Variants in MYO10 observed in about 807,000 individuals in gnomAD.
MYO10 encodes unconventional myosin-X.
In MYO10, 133 loss-of-function variants were observed where a neutral mutation model predicts 257.3. That is an observed-to-expected ratio of 0.52 (90% CI 0.45 to 0.60). The LOEUF is 0.60. Ranked by LOEUF, MYO10 falls within the 20% of genes least tolerant of loss-of-function variation. The probability of loss-of-function intolerance (pLI) is 0.00; values close to 1 mark genes in which losing one functional copy is unlikely to be tolerated. For missense variants in MYO10, 2,399 were observed against 2,635.7 expected, an observed-to-expected ratio of 0.91 and a Z score of 1.97; for synonymous variants, 1,104 against 1,028.6, an observed-to-expected ratio of 1.07 and a Z score of -1.40.
At chr5:16,894,735 T>A (rs1183810979) in intron 1 of MYO10, among the ~76,000 whole-genome samples, 1 of 152,128 alleles carries the variant, frequency 6.6e-6, no homozygotes, top group East Asian at 1.9e-4. Context: ...CATTGAAACT[T>A]GACACCAGGA....
intron 28 of MYO10, among the ~76,000 whole-genome samples, chr5:16,688,907 T>C (rs1459882480): frequency 1.3e-5 from 2 of 152,164 alleles, no homozygotes; most frequent in Non-Finnish European, 2.9e-5. Flanking sequence ...GAAGAGCAAA[T>C]GCTAAGTCTC....
chr5:16,918,130 C>G (rs2126797999), intron 1 of MYO10, among the ~76,000 whole-genome samples: 1 of 152,256 alleles, frequency 6.6e-6, no homozygotes, highest in South Asian at 2.1e-4. Context: ...CTAGGAGAGT[C>G]AATTTCCAAA....
intron 1 of MYO10, among the ~76,000 whole-genome samples, chr5:16,915,107 T>C (rs1368865184): frequency 6.6e-6 from 1 of 152,172 alleles, no homozygotes; most frequent in Non-Finnish European, 1.5e-5. Flanking sequence ...TGAGAATAGA[T>C]GATCGCTAAT....
chr5:16,775,882 G>A (rs1741196525), intron 9 of MYO10, among the ~76,000 whole-genome samples: 1 of 150,340 alleles, frequency 6.7e-6, no homozygotes, highest in Non-Finnish European at 1.5e-5. Flanking sequence ...TTATAGGCAT[G>A]ACCCAATTCT....
chr5:16,851,828 A>G (rs1391423941), intron 2 of MYO10, among the ~76,000 whole-genome samples: 2 of 152,058 alleles, frequency 1.3e-5, no homozygotes, highest in Admixed American at 6.5e-5. Flanking sequence ...CAAGGCGGGC[A>G]GATCACGAGG....
At chr5:16,879,999 A>C (rs1744713027) in intron 1 of MYO10, among the ~76,000 whole-genome samples, 1 of 152,086 alleles carries the variant, frequency 6.6e-6, no homozygotes, top group African/African-American at 2.4e-5. Flanking sequence ...CCAACGTGGT[A>C]AAACCGCGTG....
chr5:16,863,443 G>A (rs1423642453), intron 2 of MYO10, among the ~76,000 whole-genome samples: 1 of 152,192 alleles, frequency 6.6e-6, no homozygotes, highest in Non-Finnish European at 1.5e-5. Flanking sequence ...TTTTTCAGTG[G>A]TGCTGGGAAC....
chr5:16,877,759 G>GA, intron 1 of MYO10, 52 bp from the exon 2 acceptor site: 2 of 1,421,228 alleles, frequency 1.4e-6, no homozygotes, highest in South Asian at 2.4e-5. Context: ...ATTTTGTGGC[G>GA]AAACTGTACT....
intron 9 of MYO10, among the ~76,000 whole-genome samples, chr5:16,774,407 A>T (rs1741151810): frequency 6.6e-6 from 1 of 152,134 alleles, no homozygotes; most frequent in Admixed American, 6.6e-5. Context: ...ACATCATGTT[A>T]CTTATTTATT....
intron 27 of MYO10, among the ~76,000 whole-genome samples, chr5:16,691,473 C>T (rs552327180): frequency 4.0e-5 from 6 of 151,812 alleles, no homozygotes; most frequent in Middle Eastern, 3.2e-3. Flanking sequence ...ATGAGGCAGG[C>T]GGATCACTTC....
intron 19 of MYO10, among the ~76,000 whole-genome samples, chr5:16,718,716 G>A (rs1180619011): frequency 6.6e-6 from 1 of 151,920 alleles, no homozygotes; most frequent in Non-Finnish European, 1.5e-5. Flanking sequence ...AGGACGTGGA[G>A]AACCTTTATG....
intron 19 of MYO10, 31 bp from the exon 20 acceptor site, chr5:16,711,276 C>T (rs1206467854): frequency 1.9e-6 from 3 of 1,587,340 alleles, no homozygotes; most frequent in Non-Finnish European, 2.6e-6. Flanking sequence ...AGATGGGATA[C>T]CATTAGAAAA....
intron 1 of MYO10, among the ~76,000 whole-genome samples, chr5:16,886,091 A>G (rs1035139502): frequency 2.6e-5 from 4 of 152,204 alleles, no homozygotes; most frequent in Non-Finnish European, 5.9e-5. Flanking sequence ...ACTGCATCCA[A>G]TTCTACAGAG....
At chr5:16,860,308 G>A (rs1360790324) in intron 2 of MYO10, among the ~76,000 whole-genome samples, 9 of 152,154 alleles carry the variant, frequency 5.9e-5, no homozygotes, top group Admixed American at 5.9e-4. Flanking sequence ...TAGCAAATAA[G>A]TGGAAAGTTT....
chr5:16,845,866 A>T (rs1743621612), intron 2 of MYO10, among the ~76,000 whole-genome samples: 1 of 152,058 alleles, frequency 6.6e-6, no homozygotes, highest in African/African-American at 2.4e-5. Context: ...CGGGAGGCTG[A>T]GGCAGGAGAA....
chr5:16,916,136 A>T, intron 1 of MYO10: 1 of 456,160 alleles, frequency 2.2e-6, no homozygotes. Flanking sequence ...CGACCCATCA[A>T]GCCCAGATTT....
rs544736866 is a variant in MYO10 at position 16,758,810 on chromosome 5, A to G, written c.1740-584T>C. On this transcript the variant is annotated intron_variant, in intron 17 of 40. Coordinates refer to ENST00000513610, the MANE Select transcript of MYO10 (RefSeq NM_012334.3). ...GAGAATGAAAGGAGAACATGCATGT[A>G]AAAGGCAGAAAGCATGCTACCTGGC... 6.0e-4 allele frequency among the ~76,000 whole-genome samples: 92 copies of G among 152,352 alleles called. 1 individual carries two copies. The highest frequency in any genetic ancestry group is 2.2e-3 in the African/African-American group (91 of 41,576).
chr5:16,889,756 G>A (rs1369526476), intron 1 of MYO10, among the ~76,000 whole-genome samples: 2 of 151,724 alleles, frequency 1.3e-5, no homozygotes, highest in East Asian at 3.9e-4. Flanking sequence ...GGTGGAAGCA[G>A]TAGGAGGTAC....
chr5:16,773,694 G>T lies in MYO10; in HGVS notation c.931-4491C>A, dbSNP rs547350327. ...AAAAAAAAAAGTGAAATAAGTAGTAGAAAATTTCTAACTGCCAAATAAAAA... is the reference window on the plus strand; with the variant it reads ...AAAAAAAAAAGTGAAATAAGTAGTATAAAATTTCTAACTGCCAAATAAAAA... On this transcript the variant is annotated intron_variant, in intron 9 of 40. Transcript: ENST00000513610. 5.4e-5 allele frequency among the ~76,000 whole-genome samples: 8 copies of T among 147,130 alleles called. No individual in the cohort carries two copies. The East Asian group carries it at 1.6e-3, about 29-fold the overall frequency.
Sources: gnomAD v4.1 joint callset for allele counts (sites outside exome capture counted in the v4.1 genomes callset) on GRCh38, gnomAD v4.1.1 for gene constraint, MANE v1.5 for transcripts, NCBI Gene and HGNC (gene_info 2026-07-23, HGNC 2026-07-21) for gene names.